SLC28A3: variants seen among roughly 807,000 people sequenced by gnomAD.
SLC28A3 encodes the protein concentrative Na(+)-nucleoside cotransporter 3.
Under a neutral mutation model 84.2 loss-of-function variants are expected in SLC28A3, and 68 were observed. That is an observed-to-expected ratio of 0.81 (90% CI 0.66 to 0.99). The LOEUF is 0.99. Ranked by LOEUF, SLC28A3 falls within the 50% of genes least tolerant of loss-of-function variation. The probability of loss-of-function intolerance (pLI) is 0.00; values close to 1 mark genes in which losing one functional copy is unlikely to be tolerated. For missense variants in SLC28A3, 712 were observed against 841.5 expected (o/e 0.85, Z 1.90); for synonymous variants, 267 against 303.6 (o/e 0.88, Z 1.25).
chr9:84,350,574 AGTGAGTTAGTG>A, the SLC28A3 span, among the ~76,000 whole-genome samples: 12 of 152,218 alleles, frequency 7.9e-5, no homozygotes, highest in Admixed American at 3.3e-4. Context: ...TAGGTGAGTC[AGTGAGTTAGTG>A]GTGAGTTAAT....
chr9:84,347,146 C>T, the SLC28A3 span, among the ~76,000 whole-genome samples: 2 of 138,652 alleles, frequency 1.4e-5, no homozygotes, highest in Admixed American at 8.1e-5. Flanking sequence ...GCAGAGGTTG[C>T]AGTGAGCTGA....
At chr9:84,298,083 TCTAATGGATCA>T (rs1794619906) in intron 6 of SLC28A3, 64 bp from the exon 7 acceptor site, 2 of 1,296,856 alleles carry the variant, frequency 1.5e-6, no homozygotes, top group Admixed American at 3.9e-5. Flanking sequence ...GGCATGAATG[TCTAATGGATCA>T]CTATTTCCTT....
chr9:84,338,916 T>A (rs1827067448), intron 1 of SLC28A3, among the ~76,000 whole-genome samples: 2 of 150,946 alleles, frequency 1.3e-5, no homozygotes, highest in Admixed American at 1.3e-4. Flanking sequence ...CCCTCCCCCA[T>A]CCCCCATCTT....
At chr9:84,340,840 G>A (rs953900676), upstream of SLC28A3, among the ~76,000 whole-genome samples, 1 of 152,092 alleles carries the variant, frequency 6.6e-6, no homozygotes, top group Non-Finnish European at 1.5e-5. Context: ...GGTTGGCGGG[G>A]TGGAGGCATC....
chr9:84,304,464 A>C (rs556804703), intron 4 of SLC28A3, among the ~76,000 whole-genome samples: 92 of 118,946 alleles, frequency 7.7e-4, no homozygotes, highest in East Asian at 2.1e-3. Context: ...AGTACAACAA[A>C]AAAAAAAAAC....
chr9:84,295,402 T>C (rs566918571), intron 8 of SLC28A3, among the ~76,000 whole-genome samples: 1 of 152,036 alleles, frequency 6.6e-6, no homozygotes, highest in Non-Finnish European at 1.5e-5. Context: ...CTGGCCAACA[T>C]GGCGAAACCC....
chr9:84,300,644 G>C (rs555797046), intron 5 of SLC28A3, among the ~76,000 whole-genome samples: 2 of 152,332 alleles, frequency 1.3e-5, no homozygotes, highest in East Asian at 3.9e-4. Context: ...TTGAGGGAGA[G>C]AACTGGTCTT....
the SLC28A3 span, among the ~76,000 whole-genome samples, chr9:84,363,154 A>G: frequency 6.6e-6 from 1 of 152,174 alleles, no homozygotes; most frequent in South Asian, 2.1e-4. Context: ...ATTTAAAGCT[A>G]TGGAACATGA....
At position 84,286,168 on chromosome 9, in the gene SLC28A3, C is replaced by G. The variant is rs1824978256; in HGVS notation, c.1281-57G>C. 14 of 1,544,706 alleles carry G rather than the reference C, an allele frequency of 9.1e-6. 1 individual carries two copies. The East Asian group carries it at 3.2e-4, about 35-fold the overall frequency. ...CAAGGAGTTGTCAGGGGATGGACAC[C>G]ATTGGTGCAGAAGTAGCATAATCAG... On this transcript the variant is annotated intron_variant, in intron 12 of 17. Transcript: ENST00000376238.
In SLC28A3 at chr9:84,309,610, C is replaced by T. The variant is rs1341455733; in HGVS notation, c.242+19G>A. 2.5e-6 allele frequency: 4 copies of T among 1,593,064 alleles called. No individual in the cohort carries two copies. The highest frequency in any genetic ancestry group is 1.7e-5 in the Admixed American group (1 of 58,772). ...AACGGGAGGTAGGCTTGGTTATTTC[C>T]CTGTTTTAAAGACTGTACCCTTTTT... On this transcript the variant is annotated intron_variant, in intron 3 of 17. Coordinates refer to ENST00000376238, the MANE Select transcript of SLC28A3 (RefSeq NM_001199633.2).
chr9:84,327,777 G>A (rs746330942), intron 1 of SLC28A3, among the ~76,000 whole-genome samples: 1 of 151,928 alleles, frequency 6.6e-6, no homozygotes, highest in Non-Finnish European at 1.5e-5. Context: ...AATTAGCCGA[G>A]CATGGTGGCT....
the SLC28A3 span, among the ~76,000 whole-genome samples, chr9:84,367,826 A>G: frequency 6.6e-6 from 1 of 152,240 alleles, no homozygotes; most frequent in Non-Finnish European, 1.5e-5. Flanking sequence ...AAAGAGTAAC[A>G]GAGCAGTATC....
intron 1 of SLC28A3, among the ~76,000 whole-genome samples, chr9:84,337,183 A>T (rs529705209): frequency 2.0e-5 from 3 of 152,198 alleles, no homozygotes; most frequent in African/African-American, 7.2e-5. Context: ...CATTTTCCTT[A>T]ACATCAATTA....
chr9:84,323,225 A>G (rs1826433968), intron 1 of SLC28A3, among the ~76,000 whole-genome samples: 1 of 152,168 alleles, frequency 6.6e-6, no homozygotes, highest in African/African-American at 2.4e-5. Context: ...AGCATTTGCT[A>G]GGCACCAGTA....
chr9:84,307,489 CAT>C lies in SLC28A3; in HGVS notation c.242+2138_242+2139del, dbSNP rs368914914. On this transcript the variant is annotated intron_variant, in intron 3 of 17. Transcript: ENST00000376238. ...GAAAGAATAAAAATATCAAAAGTAT[CAT>C]AGTGTATCATTCATACATAAGAACA... Among the ~76,000 whole-genome samples the C allele has an allele frequency of 3.1e-3, 462 of 150,712 alleles. 1 individual carries two copies. Among genetic ancestry groups the C allele is most frequent in the African/African-American group, 0.01 (422 of 41,038 alleles).
upstream of SLC28A3, among the ~76,000 whole-genome samples, chr9:84,342,020 T>C (rs886975509): frequency 6.6e-6 from 1 of 150,902 alleles, no homozygotes; most frequent in Non-Finnish European, 1.5e-5. Flanking sequence ...TCCCAGCTAC[T>C]CGGGAGGCTG....
rs777696002 is a variant in SLC28A3 at position 84,290,294 on chromosome 9, G to T, written c.1024-15C>A. 2.5e-6 allele frequency: 4 copies of T among 1,613,000 alleles called. No homozygotes were observed. In the African/African-American group the frequency reaches 4.0e-5, roughly 16 times the overall value. On this transcript the variant is annotated splice_polypyrimidine_tract_variant and intron_variant, in intron 10 of 17. Coordinates refer to ENST00000376238, the MANE Select transcript of SLC28A3 (RefSeq NM_001199633.2). ...GGAGACTCCGTCTGGAGACAAAGAA[G>T]GGTGACCAGATTCCTTTTTAAATCT...
In SLC28A3 at chr9:84,313,582, C is replaced by T. The variant is rs7863627; in HGVS notation, c.61-128G>A. On this transcript the variant is annotated intron_variant, in intron 1 of 17. Coordinates refer to ENST00000376238, the MANE Select transcript of SLC28A3 (RefSeq NM_001199633.2). ...AGATTAGGTGTTCAGATGAAGCATC[C>T]GATTCAACAAACAGCTGACAAATCC... 250,942 of 681,908 alleles carry T rather than the reference C, an allele frequency of 0.37. 54,553 individuals carry two copies. The highest frequency in any genetic ancestry group is 0.78 in the African/African-American group (43,041 of 55,398). The allele number at this position is 681,908 out of a possible 1,614,324, so 42.2% of individuals were successfully genotyped here. A position where few individuals can be genotyped will look rare whatever the true frequency, so the allele number is the denominator to read the frequency against.
the SLC28A3 span, among the ~76,000 whole-genome samples, chr9:84,351,457 G>A: frequency 4.2e-4 from 64 of 152,084 alleles, no homozygotes; most frequent in Non-Finnish European, 8.2e-4. Flanking sequence ...CCAGGAGTCT[G>A]AGACCAACCT....
Sources: allele counts gnomAD v4.1 joint callset (sites outside exome capture counted in the v4.1 genomes callset), GRCh38; gene constraint gnomAD v4.1.1; transcripts MANE v1.5; gene names NCBI Gene and HGNC (gene_info 2026-07-23, HGNC 2026-07-21).